The following NCF2 variants were observed in gnomAD, a reference collection of about 807,000 sequenced individuals.
NCF2 encodes the protein neutrophil cytosolic factor 2.
In NCF2, 45 loss-of-function variants were observed where a neutral mutation model predicts 70.9. The observed-to-expected ratio is 0.63, with a 90% CI of 0.50 to 0.81. The LOEUF is 0.81. Ranked by LOEUF, NCF2 falls within the 40% of genes least tolerant of loss-of-function variation. The pLI is 0.00. For synonymous variants in NCF2, 203 were observed against 233.6 expected, an observed-to-expected ratio of 0.87 and a Z score of 1.19; for missense variants, 522 against 631.6, an observed-to-expected ratio of 0.83 and a Z score of 1.86.
At position 183,590,333 on chromosome 1, in the gene NCF2, T is replaced by A. The variant is rs35681596; in HGVS notation, c.-4A>T. 1.2e-4 allele frequency: 186 copies of A among 1,614,024 alleles called. No homozygotes were observed. The African/African-American group carries it at 2.3e-3, about 20-fold the overall frequency. On this transcript the variant is annotated 5_prime_UTR_variant, in exon 1 of 15. Coordinates refer to ENST00000367535, the MANE Select transcript of NCF2 (RefSeq NM_000433.4). ...TGATGGCCTCCACCAGGGACATGAT[T>A]AGGTAGAAACTAGGAGGCCAAGAGA... is the stretch of plus-strand genomic sequence containing the variant.
At chr1:183,573,671 G>A (rs925829928) in intron 4 of NCF2, among the ~76,000 whole-genome samples, 2 of 152,240 alleles carry the variant, frequency 1.3e-5, no homozygotes, top group Non-Finnish European at 2.9e-5. Flanking sequence ...GTTTGCTGAT[G>A]AGGATAGACA....
At chr1:183,590,501 T>G, upstream of NCF2, 1 of 728,308 alleles carries the variant, frequency 1.4e-6, no homozygotes, top group Non-Finnish European at 2.4e-6. Context: ...GTGTTGCAAA[T>G]GCATCAGGAA....
rs752217634 is a variant in NCF2 at position 183,566,962 on chromosome 1, A to G, written c.882T>C (p.Leu294=). Residue 294 remains leucine, a synonymous_variant, in exon 9 of 15, where the codon CTT becomes CTC. Coordinates refer to ENST00000367535, the MANE Select transcript of NCF2 (RefSeq NM_000433.4). ...GQKGLVPCNY[L]EPVELRIHPQ... ...GGTGGATCCGCAGCTCAACTGGTTC[A>G]AGGTAGTTGCAGGGAACAAGCCCCT... is the stretch of plus-strand genomic sequence containing the variant. 1 of 1,614,182 alleles carries G rather than the reference A, an allele frequency of 6.2e-7. No homozygotes were observed. The highest frequency in any genetic ancestry group is 8.5e-7 in the Non-Finnish European group (1 of 1,180,026).
At chr1:183,571,260 G>A (rs1672551011) in intron 5 of NCF2, among the ~76,000 whole-genome samples, 1 of 151,324 alleles carries the variant, frequency 6.6e-6, no homozygotes, top group South Asian at 2.1e-4. Flanking sequence ...TGATATTACA[G>A]GCACCCGCCA....
the NCF2 span, among the ~76,000 whole-genome samples, chr1:183,599,427 T>TTTCTTTCTTTCTTTCC: frequency 1.3e-5 from 1 of 76,252 alleles, no homozygotes; most frequent in Admixed American, 1.5e-4. Context: ...TCTTTCCTTC[T>TTTCTTTCTTTCTTTCC]TTCTTTCTTT....
intron 1 of NCF2, among the ~76,000 whole-genome samples, chr1:183,589,821 G>C (rs1673556317): frequency 6.6e-6 from 1 of 152,212 alleles, no homozygotes; most frequent in African/African-American, 2.4e-5. Flanking sequence ...GATAGATAGA[G>C]ATTCTGTGCC....
chr1:183,599,442 CTTTCTTT>C, the NCF2 span, among the ~76,000 whole-genome samples: 3 of 96,528 alleles, frequency 3.1e-5, no homozygotes, highest in Non-Finnish European at 6.8e-5. Flanking sequence ...TTCTTTCTTT[CTTTCTTT>C]CTTTCTTTCT....
upstream of NCF2, among the ~76,000 whole-genome samples, chr1:183,593,810 T>G (rs994217826): frequency 1.1e-4 from 17 of 152,282 alleles, no homozygotes; most frequent in African/African-American, 4.1e-4. Flanking sequence ...TTCGCCTTCC[T>G]CCTTTTGGTA....
intron 13 of NCF2, among the ~76,000 whole-genome samples, chr1:183,562,065 G>A (rs1369468570): frequency 6.6e-6 from 1 of 152,012 alleles, no homozygotes; most frequent in Non-Finnish European, 1.5e-5. Context: ...CTTTCTCCTA[G>A]TAAGTGAAAG....
At chr1:183,589,689 T>A (rs1472947322) in intron 1 of NCF2, among the ~76,000 whole-genome samples, 2 of 152,192 alleles carry the variant, frequency 1.3e-5, no homozygotes, top group Non-Finnish European at 2.9e-5. Context: ...TCACTTGGGA[T>A]AAAAGCTATT....
chr1:183,584,977 A>G (rs916889675), intron 2 of NCF2, among the ~76,000 whole-genome samples: 2 of 152,200 alleles, frequency 1.3e-5, no homozygotes, highest in Non-Finnish European at 2.9e-5. Flanking sequence ...ATGCCTGGAT[A>G]TCTTCTCCCA....
chr1:183,570,875 A>T (rs756919400), intron 5 of NCF2, 36 bp from the exon 6 acceptor site: 1 of 1,607,110 alleles, frequency 6.2e-7, no homozygotes, highest in South Asian at 1.1e-5. Context: ...AGGCTCTGCC[A>T]GCACTGTTTC....
intron 14 of NCF2, among the ~76,000 whole-genome samples, chr1:183,559,271 T>A (rs901844331): frequency 6.6e-6 from 1 of 152,138 alleles, no homozygotes; most frequent in Non-Finnish European, 1.5e-5. Context: ...CAAGTGATCC[T>A]CCTACCTCAG....
intron 3 of NCF2, among the ~76,000 whole-genome samples, chr1:183,577,334 G>A (rs908918499): frequency 6.6e-5 from 10 of 152,220 alleles, no homozygotes; most frequent in Admixed American, 1.3e-4. Flanking sequence ...CCTTCAGAGA[G>A]CCCGGGGGGC....
chr1:183,558,488 G>A (rs1279900534), intron 14 of NCF2, among the ~76,000 whole-genome samples: 1 of 150,982 alleles, frequency 6.6e-6, no homozygotes, highest in Non-Finnish European at 1.5e-5. Context: ...GGCTGGTCTT[G>A]AACTCCTGAC....
At chr1:183,560,313 G>T (rs754803247) in intron 13 of NCF2, 40 bp from the exon 14 acceptor site, 1 of 1,606,760 alleles carries the variant, frequency 6.2e-7, no homozygotes, top group Non-Finnish European at 8.5e-7. Context: ...CCAATTTCCT[G>T]CCAAGTGAAC....
chr1:183,597,950 G>A, the NCF2 span: 47,357 of 152,122 alleles, frequency 0.31, 7,715 homozygotes, highest in Middle Eastern at 0.38. Flanking sequence ...GTCCTGGCTG[G>A]TTGGACCCTG....
intron 9 of NCF2, among the ~76,000 whole-genome samples, chr1:183,566,679 TCA>T (rs1672313097): frequency 6.6e-6 from 1 of 152,102 alleles, no homozygotes; most frequent in African/African-American, 2.4e-5. Flanking sequence ...CCAGGAAGAG[TCA>T]CAGAGGTGGG....
chr1:183,575,441 G>C lies in NCF2; in HGVS notation c.367-820C>G, dbSNP rs151172473. Among the ~76,000 whole-genome samples the C allele has an allele frequency of 3.3e-4, 49 of 150,622 alleles. No individual in the cohort carries two copies. The East Asian group carries it at 5.8e-3, about 18-fold the overall frequency. On this transcript the variant is annotated intron_variant, in intron 3 of 14. Transcript: ENST00000367535. ...AGCCAGGGGCACCTTCACCTCAGGTGGGGGGGGAATGGTAAATGCAACAGT... is the reference window on the plus strand; with the variant it reads ...AGCCAGGGGCACCTTCACCTCAGGTCGGGGGGGAATGGTAAATGCAACAGT...
Sources: allele counts gnomAD v4.1 joint callset (sites outside exome capture counted in the v4.1 genomes callset), GRCh38; gene constraint gnomAD v4.1.1; transcripts MANE v1.5; gene names NCBI Gene and HGNC (gene_info 2026-07-23, HGNC 2026-07-21).